The following SGCA variants were observed in gnomAD, a reference collection of about 807,000 sequenced individuals.
The protein encoded by SGCA is sarcoglycan alpha.
Under a neutral mutation model 38.1 loss-of-function variants are expected in SGCA, and 34 were observed. The observed-to-expected ratio is 0.89, with a 90% CI of 0.68 to 1.19. The LOEUF (loss-of-function observed/expected upper bound fraction) is 1.19. SGCA is among the 50% of genes most tolerant of loss of function. The pLI is 0.00. For synonymous variants in SGCA, 209 were observed against 214.6 expected (o/e 0.97, Z 0.23); for missense variants, 476 against 524.9 (o/e 0.91, Z 0.91).
At chr17:50,169,679 C>T (rs1905219214) in intron 6 of SGCA, 2 of 325,776 alleles carry the variant, frequency 6.1e-6, no homozygotes, top group Non-Finnish European at 1.2e-5. Context: ...ACACTATAAA[C>T]CAAAGATGCT....
intron 8 of SGCA, chr17:50,171,541 C>T (rs538899200): frequency 3.5e-5 from 16 of 456,696 alleles, no homozygotes; most frequent in Non-Finnish European, 6.6e-5. Context: ...GGCCACCCTT[C>T]GAACCCCCTT....
Position 50,170,125 on chromosome 17 carries a change from CCT to C in SGCA, c.748-17_748-16del. 1 of 1,611,610 alleles carries C rather than the reference CCT, an allele frequency of 6.2e-7. No homozygotes were observed. Among genetic ancestry groups the C allele is most frequent in the South Asian group, 1.1e-5 (1 of 90,958 alleles). ...CCAGCCAGCCACTTCCTGCGTCAGC[CCT>C]GAGCTCTCTGTGCAGGTGGATAAGT... On this transcript the variant is annotated splice_polypyrimidine_tract_variant and intron_variant, in intron 6 of 9. Transcript: ENST00000262018.
At chr17:50,169,465 C>A (rs915134645) in intron 6 of SGCA, 26 of 553,968 alleles carry the variant, frequency 4.7e-5, no homozygotes, top group Non-Finnish European at 7.6e-5. Context: ...TTCTACCTTT[C>A]CCCCACAAGA....
chr17:50,166,144 G>T (rs766190767), intron 1 of SGCA, 67 bp downstream of exon 1: 1 of 1,278,784 alleles, frequency 7.8e-7, no homozygotes, highest in Non-Finnish European at 1.1e-6. Flanking sequence ...GTGGTAAGAC[G>T]GAGGTGTGGA....
In SGCA at chr17:50,167,220, C is replaced by G; in HGVS notation, c.38-148C>G. On this transcript the variant is annotated intron_variant, in intron 1 of 9. Transcript: ENST00000262018. The surrounding 1 kb of genome is among the most constrained non-coding windows in gnomAD (Gnocchi z 4.5). The stretch of plus-strand genomic sequence containing the variant: ...AGCCCAGCAGGGCTTGCTCCCCCAT[C>G]CCCACCCCAATCCCTTCCTGGGAGG... 8.8e-7 allele frequency: 1 copy of G among 1,140,530 alleles called. No homozygotes were observed. Among genetic ancestry groups the G allele is most frequent in the Non-Finnish European group, 1.2e-6 (1 of 800,636 alleles). 70.7% of individuals were successfully genotyped at this position (1,140,530 alleles called of 1,614,324 possible).
intron 8 of SGCA, chr17:50,171,328 T>A: frequency 2.8e-6 from 1 of 357,030 alleles, no homozygotes; most frequent in Non-Finnish European, 5.6e-6. Context: ...CCTCTCTTAT[T>A]TTGGCCTGGT....
chr17:50,169,434 C>CAG (rs949848169), intron 6 of SGCA, 180 bp downstream of exon 6: 4 of 591,462 alleles, frequency 6.8e-6, no homozygotes, highest in Non-Finnish European at 1.2e-5. Context: ...CACACACACA[C>CAG]ACACACACAC....
intron 9 of SGCA, 95 bp downstream of exon 9, chr17:50,175,544 G>T: frequency 8.6e-7 from 1 of 1,158,390 alleles, no homozygotes; most frequent in East Asian, 2.5e-5. Context: ...AGAGGTCAGG[G>T]GAAGAGGCAC....
intron 1 of SGCA, among the ~76,000 whole-genome samples, chr17:50,166,671 C>A (rs1336502860): frequency 3.3e-5 from 5 of 150,586 alleles, no homozygotes; most frequent in African/African-American, 1.2e-4. Context: ...CTCACACACA[C>A]ACACACCCAC....
At chr17:50,173,815 C>T (rs1460791927) in intron 8 of SGCA, among the ~76,000 whole-genome samples, 1 of 152,224 alleles carries the variant, frequency 6.6e-6, no homozygotes, top group African/African-American at 2.4e-5. Context: ...CCACCTCTTC[C>T]TGCTGGCCTC....
intron 8 of SGCA, chr17:50,171,441 G>T (rs965659794): frequency 2.2e-6 from 1 of 452,206 alleles, no homozygotes; most frequent in Admixed American, 2.4e-5. Flanking sequence ...AATAAGTTAT[G>T]TTCCTTTTAT....
rs145252144 is a variant in SGCA, at chr17:50,170,324, A to G, written c.929A>G (p.Tyr310Cys). The G allele has an allele frequency of 2.2e-4, 361 of 1,613,940 alleles. No homozygotes were observed. Among genetic ancestry groups the G allele is most frequent in the Non-Finnish European group, 1.9e-4 (226 of 1,179,900 alleles). The change falls in exon 7 of 10, where the codon TAT becomes TGT. Residue 310 changes from tyrosine (Y) to cysteine (C), a missense_variant. Tyr to Cys is a radical substitution (Grantham distance 194). Transcript: ENST00000262018. ...CTGCTTCTCACCTTGCTGCTGGCCT[A>G]TGTCATGTGCTGCCGGCGGGAGGGA... ...VALLLTLLLA[Y>C]VMCCRREGRL...
rs774505441 is a variant in SGCA, at chr17:50,167,522, TG to T, written c.157+39del. On this transcript the variant is annotated intron_variant, in intron 2 of 9. Transcript: ENST00000262018. The surrounding 1 kb of genome is among the most constrained non-coding windows in gnomAD (Gnocchi z 4.5). ...CTGACAGGCACCCAGGCGGGCGGGC[TG>T]GGGTGTACCCCGCAGGGCTCCTGCT... 13 of 1,613,966 alleles carry T rather than the reference TG, an allele frequency of 8.1e-6. No individual in the cohort carries two copies. Among genetic ancestry groups the T allele is most frequent in the Non-Finnish European group, 1.1e-5 (13 of 1,180,024 alleles).
chr17:50,171,385 T>A (rs1905377758), intron 8 of SGCA: 2 of 391,638 alleles, frequency 5.1e-6, no homozygotes, highest in Admixed American at 2.9e-5. Context: ...CCAGCCCTCT[T>A]CCTCTCCCAA....
At chr17:50,171,554 T>C (rs1433193690) in intron 8 of SGCA, 1 of 456,830 alleles carries the variant, frequency 2.2e-6, no homozygotes, top group Non-Finnish European at 4.4e-6. Flanking sequence ...ACCCCCTTGA[T>C]AAGCCGCTTG....
chr17:50,168,238 T>C, intron 4 of SGCA, 136 bp from the exon 5 acceptor site: 1 of 854,410 alleles, frequency 1.2e-6, no homozygotes, highest in Non-Finnish European at 1.9e-6. Context: ...GGGACTTGGC[T>C]TGTTGGGGTC....
intron 4 of SGCA, 49 bp from the exon 5 acceptor site, chr17:50,168,325 G>T (rs1332992011): frequency 1.3e-5 from 19 of 1,502,132 alleles, no homozygotes; most frequent in Non-Finnish European, 1.7e-5. Flanking sequence ...GCTTTGCGGG[G>T]CAGAGCTGGG....
At position 50,175,695 on chromosome 17, in the gene SGCA, ACT is replaced by A. The variant is rs771206406; in HGVS notation, c.*13-10_*13-9del. On this transcript the variant is annotated splice_polypyrimidine_tract_variant and intron_variant, in intron 9 of 9. Transcript: ENST00000262018. ...CAGCATCTGGCCCTCTCAGCCCTCC[ACT>A]CTCTCTTCCCACAGTGGTTCCAGGT... The A allele has an allele frequency of 1.5e-6, 1 of 655,590 alleles. No individual in the cohort carries two copies. The highest frequency in any genetic ancestry group is 1.5e-5 in the South Asian group (1 of 66,258). 40.6% of individuals were successfully genotyped at this position (655,590 alleles called of 1,614,324 possible).
chr17:50,168,725 C>A (rs1015191956), intron 5 of SGCA, among the ~76,000 whole-genome samples, 153 bp downstream of exon 5: 4 of 152,092 alleles, frequency 2.6e-5, no homozygotes, highest in African/African-American at 9.7e-5. Flanking sequence ...TCTGGCTATA[C>A]CCGCATCTCC....
Sources: gnomAD v4.1 joint callset for allele counts (sites outside exome capture counted in the v4.1 genomes callset) on GRCh38, gnomAD v4.1.1 for gene constraint, Gnocchi (gnomAD v3.1) non-coding constraint, MANE v1.5 for transcripts, NCBI Gene and HGNC (gene_info 2026-07-23, HGNC 2026-07-21) for gene names.